The following RP1 variants were observed in gnomAD, a reference collection of about 807,000 sequenced individuals.
The protein encoded by RP1 is RP1 axonemal microtubule associated, also known as oxygen-regulated protein 1.
A neutral mutation model predicts 14.8 loss-of-function variants in RP1; 16 were observed. The ratio of observed to expected loss-of-function variants is 1.08; its 90% CI spans 0.73 to 1.65. The LOEUF is 1.65. RP1 is among the 40% of genes most tolerant of loss of function. RP1 has a pLI of 0.00. For synonymous variants in RP1, 876 were observed against 883.6 expected (o/e 0.99, Z 0.15); for missense variants, 2,631 against 2,535.0 (o/e 1.04, Z -0.81).
chr8:54,572,602 A>T (rs1277616549), intron 1 of RP1, among the ~76,000 whole-genome samples: 1 of 152,238 alleles, frequency 6.6e-6, no homozygotes, highest in East Asian at 1.9e-4. Context: ...GGGATATACA[A>T]GTATGAAAAG....
At chr8:54,573,373 G>A (rs904135357) in intron 1 of RP1, among the ~76,000 whole-genome samples, 3 of 152,162 alleles carry the variant, frequency 2.0e-5, no homozygotes, top group Admixed American at 6.5e-5. Flanking sequence ...TGAAAAGAGA[G>A]GGAAGTTAAA....
At position 54,806,850 on chromosome 8, in the gene RP1, AT is replaced by A. The variant is rs142082611; in HGVS notation, c.3615+23141del. 2.0e-3 allele frequency among the ~76,000 whole-genome samples: 306 copies of A among 152,348 alleles called. 2 individuals are homozygous for A. The highest frequency in any genetic ancestry group is 7.1e-3 in the African/African-American group (297 of 41,594). On this transcript the variant is annotated intron_variant, in intron 24 of 28. Coordinates refer to the RP1 transcript ENST00000637698. ...GATGGATAATTATCTTCACCCTGAG[AT>A]AATACCATTGTTAAGGTTACCAAAT...
chr8:54,625,234 C>T lies in RP1; in HGVS notation c.1352C>T (p.Thr451Ile). Reference protein sequence around the residue: ...QAKHRFYRPPTPGLRRVRQKK... With the variant: ...QAKHRFYRPPIPGLRRVRQKK... ...AAGCATCGTTTTTATAGGCCCCCTA[C>T]ACCTGGACTAAGAAGAGTGAGACAA... Residue 451 changes from threonine to isoleucine, a missense_variant, in exon 4 of 4, where the codon ACA becomes ATA. By Grantham distance (89) the Thr-to-Ile change is moderately conservative. Coordinates refer to ENST00000220676, the MANE Select transcript of RP1 (RefSeq NM_006269.2). The T allele has an allele frequency of 6.2e-7, 1 of 1,614,148 alleles. No individual in the cohort carries two copies. The highest frequency in any genetic ancestry group is 8.5e-7 in the Non-Finnish European group (1 of 1,180,034).
chr8:54,748,889 G>A (rs1809292285), intron 19 of RP1, among the ~76,000 whole-genome samples: 1 of 151,880 alleles, frequency 6.6e-6, no homozygotes, highest in East Asian at 1.9e-4. Flanking sequence ...TTTCAGGGTA[G>A]GATTTCTAAA....
At position 54,679,636 on chromosome 8, in the gene RP1, T is replaced by A. The variant is rs140245000; in HGVS notation, c.1587+9T>A. ...TTAAGAGAAAAGAAACAGTAAGATT[T>A]TGTTTGGGCTTTAGATTATCTCATA... is the stretch of plus-strand genomic sequence containing the variant. On this transcript the variant is annotated intron_variant, in intron 11 of 22. Transcript: ENST00000636932. The A allele has an allele frequency of 2.4e-4, 363 of 1,535,818 alleles. No individual in the cohort carries two copies. In the East Asian group the frequency reaches 6.9e-3, roughly 29 times the overall value.
chr8:54,706,416 C>A, intron 14 of RP1: 1 of 1,533,174 alleles, frequency 6.5e-7, no homozygotes, highest in Non-Finnish European at 8.7e-7. Flanking sequence ...TACTGACTGC[C>A]TTTCTGTTCT....
chr8:54,693,661 T>C (rs1236675854), intron 12 of RP1, among the ~76,000 whole-genome samples: 2 of 152,204 alleles, frequency 1.3e-5, no homozygotes, highest in South Asian at 2.1e-4. Context: ...TTTTTGTACA[T>C]TGATTTTGTA....
chr8:54,711,733 G>A (rs904482473), intron 15 of RP1, among the ~76,000 whole-genome samples: 1 of 151,920 alleles, frequency 6.6e-6, no homozygotes, highest in Non-Finnish European at 1.5e-5. Context: ...GGGATGGAGA[G>A]TTTCTTTTCT....
At chr8:54,693,999 A>G (rs923689898) in intron 12 of RP1, among the ~76,000 whole-genome samples, 1 of 152,128 alleles carries the variant, frequency 6.6e-6, no homozygotes, top group African/African-American at 2.4e-5. Flanking sequence ...TCCCATCAAT[A>G]CCTAATTTAT....
chr8:54,649,955 C>T (rs919564451), intron 4 of RP1, among the ~76,000 whole-genome samples: 1 of 152,136 alleles, frequency 6.6e-6, no homozygotes, highest in Non-Finnish European at 1.5e-5. Context: ...TTTAAAGACA[C>T]TCTTGTGTTT....
chr8:54,574,803 G>T (rs1329713211), intron 1 of RP1, among the ~76,000 whole-genome samples: 2 of 151,962 alleles, frequency 1.3e-5, no homozygotes, highest in African/African-American at 4.8e-5. Context: ...ATCTGTGTTG[G>T]GTTACCTAGG....
At chr8:54,579,489 A>T (rs1333290479) in intron 1 of RP1, among the ~76,000 whole-genome samples, 2 of 152,098 alleles carry the variant, frequency 1.3e-5, no homozygotes. Context: ...TTTCCCCCCC[A>T]GTAGATGGGG....
At chr8:54,851,093 AC>A (rs1403054388) in intron 25 of RP1, among the ~76,000 whole-genome samples, 6 of 152,052 alleles carry the variant, frequency 3.9e-5, no homozygotes, top group African/African-American at 1.2e-4. Context: ...GTGCGTGCAT[AC>A]TTTTTGAGGT....
In RP1 at chr8:54,630,769, C is replaced by G. The variant is rs150331714; in HGVS notation, c.*416C>G. On this transcript the variant is annotated 3_prime_UTR_variant, in exon 4 of 4. Coordinates refer to ENST00000220676, the MANE Select transcript of RP1 (RefSeq NM_006269.2). Reference sequence around the variant, plus strand: ...ATAACCTCAAAGTACTTCACTTATTCTTTTTAACTACTGATTTGATAAAAA... The same window carrying G: ...ATAACCTCAAAGTACTTCACTTATTGTTTTTAACTACTGATTTGATAAAAA... 1.4e-4 allele frequency: 136 copies of G among 1,005,274 alleles called. No individual in the cohort carries two copies. The African/African-American group carries it at 1.8e-3, about 13-fold the overall frequency. The allele number at this position is 1,005,274 out of a possible 1,614,324, so 62.3% of individuals were successfully genotyped here.
intron 1 of RP1, among the ~76,000 whole-genome samples, chr8:54,564,367 G>A (rs890028047): frequency 6.6e-6 from 1 of 152,220 alleles, no homozygotes; most frequent in Non-Finnish European, 1.5e-5. Flanking sequence ...CCTAGATCCA[G>A]CACTTCACAG....
chr8:54,606,134 A>G (rs1805435595), intron 1 of RP1, among the ~76,000 whole-genome samples: 1 of 152,036 alleles, frequency 6.6e-6, no homozygotes, highest in Admixed American at 6.6e-5. Context: ...TTTCTTCCTA[A>G]CTTTGATGGT....
In RP1 at chr8:54,780,079, C is replaced by T. The variant is rs543277333; in HGVS notation, c.3452-3468C>T. ...TGCAGACATCTGAAGAGATATCTCCCCCATGCTGCCAGCTGATAAGCCTGG... is the reference window on the plus strand; with the variant it reads ...TGCAGACATCTGAAGAGATATCTCCTCCATGCTGCCAGCTGATAAGCCTGG... On this transcript the variant is annotated intron_variant, in intron 23 of 28. Coordinates refer to the RP1 transcript ENST00000637698. 1.6e-3 allele frequency among the ~76,000 whole-genome samples: 240 copies of T among 152,304 alleles called. 2 individuals carry two copies. Among genetic ancestry groups the T allele is most frequent in the African/African-American group, 5.6e-3 (232 of 41,570 alleles).
chr8:54,842,005 G>A (rs1811800226), intron 25 of RP1, among the ~76,000 whole-genome samples: 1 of 152,128 alleles, frequency 6.6e-6, no homozygotes, highest in African/African-American at 2.4e-5. Flanking sequence ...CAAAATATTT[G>A]CATTTATGAA....
chr8:54,859,109 A>G (rs1010540046), intron 27 of RP1, among the ~76,000 whole-genome samples: 1 of 152,038 alleles, frequency 6.6e-6, no homozygotes, highest in East Asian at 1.9e-4. Context: ...GAGTGGTGTC[A>G]CTGTAGGGTA....
Sources: allele counts gnomAD v4.1 joint callset (sites outside exome capture counted in the v4.1 genomes callset), GRCh38; gene constraint gnomAD v4.1.1; transcripts MANE v1.5; gene names NCBI Gene and HGNC (gene_info 2026-07-23, HGNC 2026-07-21).